CNTLN: variants seen among roughly 807,000 people sequenced by gnomAD.
The protein encoded by CNTLN is centlein, also known as centlein, centrosomal protein.
In CNTLN, 212 loss-of-function variants were observed where a neutral mutation model predicts 180.0. The observed-to-expected ratio is 1.18, with a 90% confidence interval of 1.05 to 1.32. The LOEUF (loss-of-function observed/expected upper bound fraction) is 1.32. Among genes scored for constraint, CNTLN ranks in the 40% most tolerant of loss-of-function variants. CNTLN has a pLI of 0.00. For synonymous variants in CNTLN, 722 were observed against 563.1 expected, an observed-to-expected ratio of 1.28 and a Z score of -3.99; for missense variants, 2,095 against 1,610.9, an observed-to-expected ratio of 1.30 and a Z score of -5.14.
At chr9:17,311,767 C>T (rs896214986) in intron 8 of CNTLN, among the ~76,000 whole-genome samples, 1 of 151,966 alleles carries the variant, frequency 6.6e-6, no homozygotes, top group Non-Finnish European at 1.5e-5. Context: ...CAAGATTGCG[C>T]CACTGCTCTC....
chr9:17,270,174 C>T (rs10810742), intron 5 of CNTLN, among the ~76,000 whole-genome samples: 3 of 151,990 alleles, frequency 2.0e-5, no homozygotes, highest in Non-Finnish European at 4.4e-5. Context: ...ATCCCCAGGA[C>T]AATTTTAATA....
intron 12 of CNTLN, among the ~76,000 whole-genome samples, chr9:17,355,026 G>A (rs1383568533): frequency 6.6e-6 from 1 of 151,736 alleles, no homozygotes; most frequent in Non-Finnish European, 1.5e-5. Flanking sequence ...GCGAGACCAC[G>A]AACCCACCAG....
At position 17,309,084 on chromosome 9, in the gene CNTLN, T is replaced by C. The variant is rs377422256; in HGVS notation, c.1173T>C (p.Phe391=). 13 of 1,591,664 alleles carry C rather than the reference T, an allele frequency of 8.2e-6. No homozygotes were observed. The highest frequency in any genetic ancestry group is 3.5e-4 in the Middle Eastern group (2 of 5,740). The change falls in exon 8 of 26, where the codon TTT becomes TTC. Residue 391 remains phenylalanine (F), a synonymous_variant. Coordinates refer to ENST00000380647, the MANE Select transcript of CNTLN (RefSeq NM_017738.4). ...QKLYNELHIC[F]ETTKSNEAML... is the part of the protein sequence containing the mutation. Reference sequence around the variant, plus strand: ...TTTACAATGAGTTACATATTTGTTTTGAAACCACAAAATCAAATGAAGCTA... The same window carrying C: ...TTTACAATGAGTTACATATTTGTTTCGAAACCACAAAATCAAATGAAGCTA...
chr9:17,273,682 A>T, intron 5 of CNTLN, 51 bp from the exon 6 acceptor site: 1 of 916,690 alleles, frequency 1.1e-6, no homozygotes, highest in Non-Finnish European at 1.6e-6. Flanking sequence ...ATGTTTTGTT[A>T]CATGTAGTAT....
chr9:17,231,042 G>A (rs766222230), intron 3 of CNTLN, among the ~76,000 whole-genome samples: 4 of 151,956 alleles, frequency 2.6e-5, no homozygotes, highest in Admixed American at 6.6e-5. Context: ...TTTTGGGAGC[G>A]TTGGTTTGCT....
chr9:17,293,529 C>T (rs672799), intron 6 of CNTLN, among the ~76,000 whole-genome samples: 28,521 of 152,170 alleles, frequency 0.19, 3,132 homozygotes, highest in African/African-American at 0.3. Context: ...GTTAGGGTTC[C>T]GCCTGAAGAG....
At chr9:17,522,975 C>T in the CNTLN span, among the ~76,000 whole-genome samples, 5 of 152,024 alleles carry the variant, frequency 3.3e-5, no homozygotes, top group African/African-American at 4.8e-5. Flanking sequence ...GCTTTTTGGG[C>T]TCCAAAAAAC....
At position 17,415,867 on chromosome 9, in the gene CNTLN, C is replaced by A; in HGVS notation, c.2876C>A (p.Ala959Glu). The A allele has an allele frequency of 6.2e-7, 1 of 1,610,990 alleles. No individual in the cohort carries two copies. The highest frequency in any genetic ancestry group is 8.5e-7 in the Non-Finnish European group (1 of 1,178,352). ...AAGATGCAAAAGAGTTCACATACAG[C>A]AGTTCCTACTAGAGGTAAGAATGTA... ...NCKMQKSSHT[A>E]VPTRVNREKY... The change falls in exon 17 of 26, where the codon GCA becomes GAA. Residue 959 changes from alanine to glutamate, a missense_variant. Physicochemically the swap from Ala to Glu is moderately radical, Grantham distance 107. Transcript: ENST00000380647.
chr9:17,231,864 G>A lies in CNTLN; in HGVS notation c.535-3794G>A, dbSNP rs1299067852. Among the ~76,000 whole-genome samples the A allele has an allele frequency of 2.6e-5, 3 of 115,892 alleles. No individual in the cohort carries two copies. The Admixed American group carries it at 3.7e-4, about 14-fold the overall frequency. 76.0% of individuals were successfully genotyped at this position (115,892 alleles called of 152,430 possible). Reference sequence around the variant, plus strand: ...GCTTCATACTCACTATTATTCTCTTGTTACTCTGTAGACTTCTCTTGACCA... The same window carrying A: ...GCTTCATACTCACTATTATTCTCTTATTACTCTGTAGACTTCTCTTGACCA... On this transcript the variant is annotated intron_variant, in intron 3 of 25. Coordinates refer to ENST00000380647, the MANE Select transcript of CNTLN (RefSeq NM_017738.4).
chr9:17,326,557 AT>A (rs1385110694), intron 8 of CNTLN, among the ~76,000 whole-genome samples: 3 of 152,080 alleles, frequency 2.0e-5, no homozygotes, highest in Non-Finnish European at 4.4e-5. Flanking sequence ...TATGTTTGAG[AT>A]TATTAAGTTT....
chr9:17,222,460 C>T (rs1040975361), intron 2 of CNTLN, among the ~76,000 whole-genome samples: 17 of 152,068 alleles, frequency 1.1e-4, no homozygotes, highest in Non-Finnish European at 1.9e-4. Context: ...CTGTACTGTT[C>T]TCGTGGTAGT....
intron 5 of CNTLN, among the ~76,000 whole-genome samples, chr9:17,257,180 T>C (rs542551290): frequency 2.6e-5 from 4 of 151,048 alleles, no homozygotes; most frequent in Non-Finnish European, 5.9e-5. Context: ...CCTGTGTCCA[T>C]GTGATCTCAT....
intron 12 of CNTLN, among the ~76,000 whole-genome samples, chr9:17,357,266 G>C (rs915450947): frequency 2.0e-5 from 2 of 97,624 alleles, no homozygotes; most frequent in African/African-American, 3.4e-5. Context: ...TGGATGTTTG[G>C]GTTTTTTCCA....
intron 25 of CNTLN, among the ~76,000 whole-genome samples, chr9:17,497,834 A>G (rs889071872): frequency 6.6e-6 from 1 of 152,222 alleles, no homozygotes; most frequent in Non-Finnish European, 1.5e-5. Flanking sequence ...GTCTTTAACT[A>G]CAAGATAACA....
chr9:17,318,015 T>C (rs1819643937), intron 8 of CNTLN, among the ~76,000 whole-genome samples: 3 of 151,314 alleles, frequency 2.0e-5, no homozygotes, highest in African/African-American at 7.3e-5. Context: ...TAACTGAATT[T>C]TTTTTTTCTT....
chr9:17,368,933 C>G (rs568659237), intron 13 of CNTLN, among the ~76,000 whole-genome samples: 1 of 152,226 alleles, frequency 6.6e-6, no homozygotes, highest in South Asian at 2.1e-4. Flanking sequence ...ACAAACAATC[C>G]CAGACTGCAA....
chr9:17,308,911 C>A (rs1234736615), intron 7 of CNTLN, 147 bp from the exon 8 acceptor site: 1 of 375,328 alleles, frequency 2.7e-6, no homozygotes. Context: ...TTTATATCTT[C>A]TTTCTCTCTG....
chr9:17,201,302 T>C (rs1822508504), intron 2 of CNTLN, among the ~76,000 whole-genome samples: 1 of 152,174 alleles, frequency 6.6e-6, no homozygotes, highest in Non-Finnish European at 1.5e-5. Flanking sequence ...TTCCTTTTTT[T>C]GTTGTGTCTC....
At chr9:17,425,098 A>G (rs1490490065) in intron 18 of CNTLN, among the ~76,000 whole-genome samples, 4 of 152,184 alleles carry the variant, frequency 2.6e-5, no homozygotes, top group East Asian at 3.9e-4. Flanking sequence ...ATTCATTTAT[A>G]TATGAATGGA....
Sources: gnomAD v4.1 joint callset for allele counts (sites outside exome capture counted in the v4.1 genomes callset) on GRCh38, gnomAD v4.1.1 for gene constraint, MANE v1.5 for transcripts, NCBI Gene and HGNC (gene_info 2026-07-23, HGNC 2026-07-21) for gene names.